PTPRQ: variants seen among roughly 807,000 people sequenced by gnomAD.
The protein encoded by PTPRQ is phosphatidylinositol phosphatase PTPRQ.
In PTPRQ, 199 loss-of-function variants were observed where a neutral mutation model predicts 246.0. That is an observed-to-expected ratio of 0.81 (90% CI 0.72 to 0.91). The LOEUF (loss-of-function observed/expected upper bound fraction) is 0.91. PTPRQ is among the 40% of genes least tolerant of loss of function. The pLI is 0.00. For synonymous variants in PTPRQ, 869 were observed against 853.2 expected (o/e 1.02, Z -0.32); for missense variants, 2,624 against 2,528.4 (o/e 1.04, Z -0.81).
chr12:80,521,544 T>C (rs11114492), intron 17 of PTPRQ, among the ~76,000 whole-genome samples: 2 of 152,194 alleles, frequency 1.3e-5, no homozygotes, highest in African/African-American at 4.8e-5. Context: ...TTTGTGTAAG[T>C]TGTAAGGAAG....
chr12:80,521,949 T>G (rs902362369), intron 17 of PTPRQ, among the ~76,000 whole-genome samples: 1 of 152,220 alleles, frequency 6.6e-6, no homozygotes, highest in Non-Finnish European at 1.5e-5. Flanking sequence ...TAAATTACCT[T>G]GGGCAGTGTG....
At chr12:80,568,926 C>G (rs183436126) in intron 25 of PTPRQ, among the ~76,000 whole-genome samples, 1 of 152,232 alleles carries the variant, frequency 6.6e-6, no homozygotes, top group East Asian at 1.9e-4. Flanking sequence ...ATGATAGTAA[C>G]AAATTCAAAC....
intron 8 of PTPRQ, 100 bp from the exon 9 acceptor site, chr12:80,484,333 A>G (rs1894196622): frequency 1.5e-6 from 2 of 1,343,132 alleles, no homozygotes; most frequent in African/African-American, 1.5e-5. Flanking sequence ...AGAATTGTTT[A>G]TATATCTTAA....
intron 3 of PTPRQ, among the ~76,000 whole-genome samples, chr12:80,447,886 CT>C (rs927278052): frequency 6.6e-6 from 1 of 151,958 alleles, no homozygotes; most frequent in Non-Finnish European, 1.5e-5. Flanking sequence ...TATTTGGGCT[CT>C]TTTTTGGTTT....
chr12:80,677,413 A>T (rs1388397920), intron 43 of PTPRQ, among the ~76,000 whole-genome samples: 1 of 152,192 alleles, frequency 6.6e-6, no homozygotes, highest in Non-Finnish European at 1.5e-5. Flanking sequence ...CACCTCATTT[A>T]CAAAACTTAA....
At chr12:80,615,558 T>C (rs1482669689) in intron 29 of PTPRQ, among the ~76,000 whole-genome samples, 1 of 151,080 alleles carries the variant, frequency 6.6e-6, no homozygotes, top group Non-Finnish European at 1.5e-5. Flanking sequence ...ACCCTCTGTG[T>C]ATACAAACAG....
Position 80,652,783 on chromosome 12 carries a change from G to A in PTPRQ, c.6064G>A (p.Ala2022Thr), listed in dbSNP as rs1273462039. 1.3e-6 allele frequency: 2 copies of A among 1,512,948 alleles called. No homozygotes were observed. The allele number at this position is 1,512,948 out of a possible 1,614,324, so 93.7% of individuals were successfully genotyped here. A position where few individuals can be genotyped will look rare whatever the true frequency, so the allele number is the denominator to read the frequency against. ...KFLQDLSSTD[A>T]DLPWNRAKNR... ...TCTTCAGGATCTTTCTTCAACTGAT[G>A]CTGATCTGCCTTGGAATAGAGCAAA... The change falls in exon 38 of 45, where the codon GCT becomes ACT. Residue 2022 changes from alanine (A) to threonine (T), a missense_variant. Ala to Thr is a moderately conservative substitution (Grantham distance 58). Transcript: ENST00000644991.
intron 35 of PTPRQ, among the ~76,000 whole-genome samples, chr12:80,642,919 TAAAAAAAAAAAA>T (rs902888826): frequency 1.3e-5 from 1 of 77,198 alleles, no homozygotes; most frequent in South Asian, 4.6e-4. Flanking sequence ...GACTCCGTCT[TAAAAAAAAAAAA>T]AAAAAAAAAA....
chr12:80,524,141 T>C (rs1026273169), intron 17 of PTPRQ, among the ~76,000 whole-genome samples: 10 of 152,328 alleles, frequency 6.6e-5, no homozygotes, highest in Admixed American at 6.5e-5. Context: ...TCTCTTTTGA[T>C]CTTTGTTGGT....
rs1893140666 is a variant in PTPRQ at position 80,460,856 on chromosome 12, T to G, written c.864T>G (p.Thr288=). 1.2e-5 allele frequency: 5 copies of G among 400,620 alleles called. No homozygotes were observed. In the Admixed American group the frequency reaches 1.3e-4, roughly 11 times the overall value. The allele number at this position is 400,620 out of a possible 1,614,324, so 24.8% of individuals were successfully genotyped here. The change falls in exon 6 of 45, where the codon ACT becomes ACG. Residue 288 remains threonine, a synonymous_variant. Transcript: ENST00000644991. ...TYLFEVSAAT[T]EAGYIDSTIV... ...TTTTTGAAGTTTCAGCTGCTACAACTGAAGCAGGTTATATTGATAGTACGA... is the reference window on the plus strand; with the variant it reads ...TTTTTGAAGTTTCAGCTGCTACAACGGAAGCAGGTTATATTGATAGTACGA...
intron 8 of PTPRQ, among the ~76,000 whole-genome samples, chr12:80,476,970 T>C (rs1240742294): frequency 2.0e-5 from 3 of 152,172 alleles, no homozygotes. Flanking sequence ...CATGAGCTAT[T>C]CATAATCACA....
intron 10 of PTPRQ, 117 bp downstream of exon 10, chr12:80,493,572 G>A (rs1781347616): frequency 5.2e-6 from 7 of 1,357,656 alleles, no homozygotes; most frequent in Admixed American, 3.2e-5. Context: ...GGCTGGAGTC[G>A]GATTTTTTTT....
intron 35 of PTPRQ, among the ~76,000 whole-genome samples, chr12:80,648,190 G>A (rs1900139014): frequency 6.6e-6 from 1 of 151,872 alleles, no homozygotes; most frequent in Non-Finnish European, 1.5e-5. Flanking sequence ...CTTTGAAAAA[G>A]TCATATGTTC....
intron 16 of PTPRQ, among the ~76,000 whole-genome samples, chr12:80,507,473 C>T (rs1285992064): frequency 6.6e-6 from 1 of 151,880 alleles, no homozygotes; most frequent in Non-Finnish European, 1.5e-5. Flanking sequence ...TCCCCATCTT[C>T]AAGCTAGGCC....
intron 6 of PTPRQ, among the ~76,000 whole-genome samples, chr12:80,466,931 C>T (rs1184553557): frequency 6.6e-6 from 1 of 152,150 alleles, no homozygotes; most frequent in Non-Finnish European, 1.5e-5. Flanking sequence ...CATTACCATT[C>T]AGGACATAGG....
intron 39 of PTPRQ, among the ~76,000 whole-genome samples, chr12:80,667,790 A>G (rs1447961747): frequency 2.0e-5 from 3 of 151,994 alleles, no homozygotes; most frequent in East Asian, 3.9e-4. Flanking sequence ...AATATTCTAC[A>G]TTAACATATA....
chr12:80,642,919 TAAAAAAAAAAA>T (rs902888826), intron 35 of PTPRQ, among the ~76,000 whole-genome samples: 4 of 77,198 alleles, frequency 5.2e-5, no homozygotes, highest in Non-Finnish European at 1.2e-4. Flanking sequence ...GACTCCGTCT[TAAAAAAAAAAA>T]AAAAAAAAAA....
chr12:80,452,838 T>C (rs1200806093), intron 3 of PTPRQ, among the ~76,000 whole-genome samples: 2 of 152,082 alleles, frequency 1.3e-5, no homozygotes, highest in Non-Finnish European at 2.9e-5. Context: ...ATGACAATTA[T>C]GTGTCTTGGA....
chr12:80,534,923 T>G lies in PTPRQ; in HGVS notation c.2871T>G (p.Tyr957Ter). ...GCGATCCTCCCAAAGATGTTTATTATGCAAACCTCAGTTCTTCATCAATAA... is the reference window on the plus strand; with the variant it reads ...GCGATCCTCCCAAAGATGTTTATTAGGCAAACCTCAGTTCTTCATCAATAA... ...APSDPPKDVY[Y>*]ANLSSSSIIL... Residue 957 changes from tyrosine (Y) to a stop codon, truncating the protein, a stop_gained, in exon 19 of 45, where the codon TAT (tyrosine) becomes TAG (stop). Coordinates refer to ENST00000644991, the MANE Select transcript of PTPRQ (RefSeq NM_001145026.2). LOFTEE classifies it high-confidence loss of function. 1 of 1,550,214 alleles carries G rather than the reference T, an allele frequency of 6.5e-7. No homozygotes were observed. The highest frequency in any genetic ancestry group is 2.5e-5 in the East Asian group (1 of 40,728).
Sources: allele counts gnomAD v4.1 joint callset (sites outside exome capture counted in the v4.1 genomes callset), GRCh38; gene constraint gnomAD v4.1.1; transcripts MANE v1.5; gene names NCBI Gene and HGNC (gene_info 2026-07-23, HGNC 2026-07-21).